ZNF343: variants seen among roughly 807,000 people sequenced by gnomAD.
ZNF343 encodes the protein zinc finger protein 343.
A neutral mutation model predicts 13.8 loss-of-function variants in ZNF343; 11 were observed. That is an observed-to-expected ratio of 0.80 (90% confidence interval 0.50 to 1.32). The LOEUF (loss-of-function observed/expected upper bound fraction) is 1.32. Among genes scored for constraint, ZNF343 ranks in the 40% most tolerant of loss-of-function variants. The pLI, the probability that ZNF343 is intolerant of heterozygous loss-of-function variation, is 0.00. For synonymous variants in ZNF343, 248 were observed against 260.0 expected (o/e 0.95, Z 0.44); for missense variants, 658 against 714.2 (o/e 0.92, Z 0.90).
In ZNF343 at chr20:2,491,470, T is replaced by G. The variant is rs576070215; in HGVS notation, c.304+1229A>C. On this transcript the variant is annotated intron_variant, in intron 5 of 5. Coordinates refer to ENST00000278772, the MANE Select transcript of ZNF343 (RefSeq NM_024325.6). ...TTATATTTCTACTAGACAGCACTGA[T>G]CTAGAACAAGGAGTGGAAAATGACT... Among the ~76,000 whole-genome samples, 23 of 152,316 alleles carry G rather than the reference T, an allele frequency of 1.5e-4. No homozygotes were observed. The South Asian group carries it at 3.7e-3, about 25-fold the overall frequency.
rs61740142 is a variant in ZNF343, at chr20:2,483,466, T to C, written c.1495A>G (p.Arg499Gly). ...GEKHYVCREC[R>G]RGFSQKSNLI... ...TTTGACTTCTGGCTAAAACCTCGCCTACACTCCCTGCAGACATAATGCTTC... is the reference window on the plus strand; with the variant it reads ...TTTGACTTCTGGCTAAAACCTCGCCCACACTCCCTGCAGACATAATGCTTC... Residue 499 changes from arginine to glycine, a missense_variant, in exon 6 of 6, where the codon AGG (arginine) becomes GGG (glycine). Arg to Gly is a moderately radical substitution (Grantham distance 125). Coordinates refer to ENST00000278772, the MANE Select transcript of ZNF343 (RefSeq NM_024325.6). 0.045 allele frequency: 70,048 copies of C among 1,553,876 alleles called. 2,034 individuals are homozygous for C. The highest frequency in any genetic ancestry group is 0.17 in the African/African-American group (10,810 of 64,578).
chr20:2,507,616 G>A (rs1347245723), intron 1 of ZNF343, among the ~76,000 whole-genome samples: 3 of 152,144 alleles, frequency 2.0e-5, no homozygotes, highest in Admixed American at 6.5e-5. Context: ...GCTGTGGAGC[G>A]CCACACGCTT....
At position 2,483,645 on chromosome 20, in the gene ZNF343, C is replaced by A. The variant is rs1417201275; in HGVS notation, c.1316G>T (p.Cys439Phe). Residue 439 changes from cysteine to phenylalanine, a missense_variant, in exon 6 of 6, where the codon TGC becomes TTC. Physicochemically the swap from Cys to Phe is radical, Grantham distance 205. Coordinates refer to ENST00000278772, the MANE Select transcript of ZNF343 (RefSeq NM_024325.6). ...ACAAAAGCCTCGCCCACACTCCCTGCAAACATAAGGCTTCTCATCCAAGTG... is the reference window on the plus strand; with the variant it reads ...ACAAAAGCCTCGCCCACACTCCCTGAAAACATAAGGCTTCTCATCCAAGTG... Reference protein sequence around the residue: ...RTHLDEKPYVCRECGRGFCDK... With the variant: ...RTHLDEKPYVFRECGRGFCDK... 6.2e-7 allele frequency: 1 copy of A among 1,613,344 alleles called. No individual in the cohort carries two copies. Among genetic ancestry groups the A allele is most frequent in the Non-Finnish European group, 8.5e-7 (1 of 1,179,668 alleles).
chr20:2,513,276 C>T (rs2085745998), upstream of ZNF343, among the ~76,000 whole-genome samples: 1 of 152,102 alleles, frequency 6.6e-6, no homozygotes, highest in African/African-American at 2.4e-5. Context: ...AAAAGACTAA[C>T]AACCCAATTT....
At chr20:2,507,063 G>C (rs1456948648) in intron 1 of ZNF343, among the ~76,000 whole-genome samples, 1 of 151,896 alleles carries the variant, frequency 6.6e-6, no homozygotes, top group East Asian at 1.9e-4. Context: ...TCAGGAGTTC[G>C]AGACCAGCCT....
rs1543385 is a variant in ZNF343, at chr20:2,482,259, C to G, written c.*902G>C. 131,704 of 151,914 alleles carry G rather than the reference C, an allele frequency of 0.87. 57,131 individuals are homozygous for G. Among genetic ancestry groups the G allele is most frequent in the East Asian group, 0.98 (5,063 of 5,160 alleles). The allele number at this position is 151,914 out of a possible 1,614,324, so 9.4% of individuals were successfully genotyped here. Reference sequence around the variant, plus strand: ...ATTCAATATACTCTGGGGCTTACTGCGGGGTGACTCATGGCTGAAGCCTTA... The same window carrying G: ...ATTCAATATACTCTGGGGCTTACTGGGGGGTGACTCATGGCTGAAGCCTTA... On this transcript the variant is annotated 3_prime_UTR_variant, in exon 6 of 6. Transcript: ENST00000278772.
At chr20:2,487,870 G>A (rs969236764) in intron 5 of ZNF343, among the ~76,000 whole-genome samples, 5 of 152,158 alleles carry the variant, frequency 3.3e-5, no homozygotes, top group African/African-American at 1.2e-4. Flanking sequence ...TGTTAAGAAT[G>A]GTGTGTAGTT....
intron 1 of ZNF343, among the ~76,000 whole-genome samples, chr20:2,501,944 C>T (rs531251226): frequency 2.0e-3 from 312 of 152,260 alleles, no homozygotes; most frequent in African/African-American, 7.1e-3. Context: ...TCACTAGCAA[C>T]GGAACAAAGC....
At chr20:2,490,622 C>T (rs1480567033) in intron 5 of ZNF343, among the ~76,000 whole-genome samples, 1 of 150,894 alleles carries the variant, frequency 6.6e-6, no homozygotes, top group Non-Finnish European at 1.5e-5. Context: ...ACTGCAACCT[C>T]CACCTCCTGG....
intron 1 of ZNF343, among the ~76,000 whole-genome samples, chr20:2,521,397 G>A (rs1026177941): frequency 1.3e-5 from 2 of 152,148 alleles, no homozygotes; most frequent in Admixed American, 6.6e-5. Flanking sequence ...GGAAGAATAC[G>A]GTGGACTTTT....
At chr20:2,487,456 A>C (rs1418927419) in intron 5 of ZNF343, among the ~76,000 whole-genome samples, 1 of 152,228 alleles carries the variant, frequency 6.6e-6, no homozygotes. Context: ...CACTTTTAAA[A>C]ACACTCTTTG....
intron 4 of ZNF343, among the ~76,000 whole-genome samples, chr20:2,493,257 A>C (rs2085396326): frequency 6.6e-6 from 1 of 151,950 alleles, no homozygotes; most frequent in Non-Finnish European, 1.5e-5. Flanking sequence ...AATGGAAGAA[A>C]ACTTGGATTA....
Position 2,484,156 on chromosome 20 carries a change from A to G in ZNF343, c.805T>C (p.Tyr269His). The change falls in exon 6 of 6, where the codon TAC becomes CAC. Residue 269 changes from tyrosine (Y) to histidine (H), a missense_variant. Coordinates refer to ENST00000278772, the MANE Select transcript of ZNF343 (RefSeq NM_024325.6). ...CTTCGCCCACAATCACTGCAAATGT[A>G]GGGCTTCTTCCCTAAGAGGGTCCTC... ...NPRTLLGKKP[Y>H]ICSDCGRSFK... 1 of 1,614,224 alleles carries G rather than the reference A, an allele frequency of 6.2e-7. No individual in the cohort carries two copies. The highest frequency in any genetic ancestry group is 8.5e-7 in the Non-Finnish European group (1 of 1,180,044).
intron 1 of ZNF343, among the ~76,000 whole-genome samples, chr20:2,521,954 A>T (rs11698395): frequency 0.12 from 17,814 of 152,284 alleles, 1,070 homozygotes; most frequent in East Asian, 0.16. Flanking sequence ...TTCTTTGCAC[A>T]TGTAAAGTTA....
chr20:2,507,160 A>G (rs2122725748), intron 1 of ZNF343, among the ~76,000 whole-genome samples: 1 of 150,650 alleles, frequency 6.6e-6, no homozygotes, highest in African/African-American at 2.4e-5. Flanking sequence ...GCTACTCGGG[A>G]TGCTGAGACA....
chr20:2,484,280 G>C lies in ZNF343; in HGVS notation c.681C>G (p.Asp227Glu). The C allele has an allele frequency of 6.2e-7, 1 of 1,614,220 alleles. No individual in the cohort carries two copies. The highest frequency in any genetic ancestry group is 1.1e-5 in the South Asian group (1 of 91,088). ...AGGTTTCTAATTCCTTCAAGCCTTTGTCTAGCTGCACAGGGTTTGGTCTTT... is the reference window on the plus strand; with the variant it reads ...AGGTTTCTAATTCCTTCAAGCCTTTCTCTAGCTGCACAGGGTTTGGTCTTT... ...SAQRPNPVQLDKGLKELETLR... is the reference protein window; with the variant it reads ...SAQRPNPVQLEKGLKELETLR... The change falls in exon 6 of 6, where the codon GAC (aspartate) becomes GAG (glutamate). Residue 227 changes from aspartate (D) to glutamate (E), a missense_variant. Physicochemically the swap from Asp to Glu is conservative, Grantham distance 45. Transcript: ENST00000278772.
At chr20:2,493,672 TG>T (rs2085408475) in intron 3 of ZNF343, 95 bp from the exon 4 acceptor site, 1 of 1,177,310 alleles carries the variant, frequency 8.5e-7, no homozygotes, top group African/African-American at 1.8e-5. Context: ...AGCCTTAGGA[TG>T]AAGGAAGTAG....
intron 5 of ZNF343, among the ~76,000 whole-genome samples, chr20:2,491,649 AAAGT>A: frequency 6.6e-6 from 1 of 152,126 alleles, no homozygotes; most frequent in Admixed American, 6.5e-5. Flanking sequence ...GTCTATAAAG[AAAGT>A]TTTATTGGAA....
Position 2,483,907 on chromosome 20 carries a change from G to A in ZNF343, c.1054C>T (p.Pro352Ser), listed in dbSNP as rs1427031072. 6.2e-7 allele frequency: 1 copy of A among 1,614,208 alleles called. No homozygotes were observed. Among genetic ancestry groups the A allele is most frequent in the Middle Eastern group, 1.6e-4 (1 of 6,062 alleles). The part of the protein sequence containing the change: ...RHQWTHSEEK[P>S]YVCSECGRGF... ...CGCCCACACTCGCTGCAAACATAGG[G>A]CTTCTCCTCTGAGTGAGTCCACTGA... Residue 352 changes from proline to serine, a missense_variant, in exon 6 of 6, where the codon CCC becomes TCC. Transcript: ENST00000278772.
Sources: allele counts gnomAD v4.1 joint callset (sites outside exome capture counted in the v4.1 genomes callset), GRCh38; gene constraint gnomAD v4.1.1; transcripts MANE v1.5; gene names NCBI Gene and HGNC (gene_info 2026-07-23, HGNC 2026-07-21).